Variants in CSMD1 observed in about 807,000 individuals in gnomAD.
CSMD1 encodes CUB and sushi domain-containing protein 1.
A neutral mutation model predicts 417.5 loss-of-function variants in CSMD1; 213 were observed. That is an observed-to-expected ratio of 0.51 (90% CI 0.46 to 0.57). The LOEUF is 0.57. CSMD1 is among the 20% of genes least tolerant of loss of function. The pLI is 0.00. For missense variants in CSMD1, 6,923 were observed against 4,529.7 expected (o/e 1.53, Z -15.17); for synonymous variants, 2,862 against 1,736.8 (o/e 1.65, Z -16.11).
At chr8:4,126,083 C>A (rs1038427266) in intron 3 of CSMD1, among the ~76,000 whole-genome samples, 4 of 151,970 alleles carry the variant, frequency 2.6e-5, no homozygotes, top group African/African-American at 9.7e-5. Context: ...CACCCAGAAA[C>A]AGAAGACAGC....
intron 3 of CSMD1, among the ~76,000 whole-genome samples, chr8:4,176,076 C>T (rs540170801): frequency 1.4e-4 from 22 of 152,096 alleles, no homozygotes; most frequent in Non-Finnish European, 3.1e-4. Context: ...AGATGTGGAA[C>T]CCTTGCAGAA....
intron 5 of CSMD1, among the ~76,000 whole-genome samples, chr8:3,929,920 C>T (rs761457602): frequency 7.3e-5 from 11 of 150,240 alleles, no homozygotes; most frequent in Admixed American, 1.3e-4. Flanking sequence ...CCTCAGCCTC[C>T]CAAAGCGCTG....
intron 23 of CSMD1, among the ~76,000 whole-genome samples, chr8:3,336,429 C>T (rs767316875): frequency 6.6e-6 from 1 of 152,170 alleles, no homozygotes; most frequent in African/African-American, 2.4e-5. Flanking sequence ...ATTCATATAG[C>T]ACTTGGATGT....
intron 2 of CSMD1, among the ~76,000 whole-genome samples, chr8:4,627,164 T>C (rs148908546): frequency 3.3e-5 from 5 of 152,278 alleles, no homozygotes; most frequent in Admixed American, 6.5e-5. Context: ...AAAACTCACT[T>C]GTTTATTCTG....
At chr8:3,591,515 C>T (rs1305257256) in intron 8 of CSMD1, among the ~76,000 whole-genome samples, 2 of 152,094 alleles carry the variant, frequency 1.3e-5, no homozygotes, top group African/African-American at 2.4e-5. Flanking sequence ...TGAGGTGACT[C>T]GAAGATTAAA....
chr8:4,847,011 G>T (rs922856310), intron 1 of CSMD1, among the ~76,000 whole-genome samples: 2 of 152,040 alleles, frequency 1.3e-5, no homozygotes, highest in Admixed American at 6.5e-5. Context: ...TTTGTCAGTA[G>T]AAGAAACAAC....
At chr8:3,944,992 G>C (rs1233703229) in intron 5 of CSMD1, among the ~76,000 whole-genome samples, 2 of 152,146 alleles carry the variant, frequency 1.3e-5, no homozygotes, top group Non-Finnish European at 2.9e-5. Flanking sequence ...ATCTAATGCG[G>C]TTCACCCGCA....
At chr8:4,701,316 G>GC (rs923788023) in intron 1 of CSMD1, among the ~76,000 whole-genome samples, 3 of 84,968 alleles carry the variant, frequency 3.5e-5, no homozygotes, top group African/African-American at 7.1e-5. Flanking sequence ...TTCCTTTGAT[G>GC]CTTTTTTTTT....
chr8:3,544,016 G>C (rs905131964), intron 10 of CSMD1, among the ~76,000 whole-genome samples: 23 of 151,886 alleles, frequency 1.5e-4, no homozygotes, highest in African/African-American at 5.3e-4. Flanking sequence ...GTCTAAGTAG[G>C]TAATAAAACA....
intron 3 of CSMD1, among the ~76,000 whole-genome samples, chr8:4,185,917 G>C (rs138911347): frequency 6.6e-6 from 1 of 152,108 alleles, no homozygotes; most frequent in African/African-American, 2.4e-5. Context: ...TTATTACGTT[G>C]AGTTCATTTC....
intron 6 of CSMD1, among the ~76,000 whole-genome samples, chr8:3,724,015 T>G (rs1449607182): frequency 6.2e-5 from 7 of 113,596 alleles, no homozygotes. Context: ...GATATTAAAA[T>G]ACGCCTCTCT....
chr8:4,021,692 G>A (rs1052048522), intron 4 of CSMD1, among the ~76,000 whole-genome samples: 1 of 152,142 alleles, frequency 6.6e-6, no homozygotes, highest in African/African-American at 2.4e-5. Flanking sequence ...CTTGTTCGGA[G>A]TGACTATTTT....
chr8:3,433,106 C>T (rs62505603), intron 12 of CSMD1, among the ~76,000 whole-genome samples: 13,987 of 152,184 alleles, frequency 0.092, 709 homozygotes, highest in Middle Eastern at 0.14. Context: ...ACGTTTTATA[C>T]AGAGATTGGA....
intron 2 of CSMD1, among the ~76,000 whole-genome samples, chr8:4,586,824 G>A (rs979850196): frequency 6.6e-6 from 1 of 152,196 alleles, no homozygotes; most frequent in African/African-American, 2.4e-5. Context: ...ACACAGGTCT[G>A]CACGCACAGT....
intron 3 of CSMD1, among the ~76,000 whole-genome samples, chr8:4,383,135 C>T (rs905784701): frequency 1.3e-5 from 2 of 152,110 alleles, no homozygotes; most frequent in South Asian, 2.1e-4. Context: ...AACTAAGCAA[C>T]TTGATGATTT....
At chr8:4,236,932 C>T (rs1452356733) in intron 3 of CSMD1, among the ~76,000 whole-genome samples, 1 of 152,176 alleles carries the variant, frequency 6.6e-6, no homozygotes, top group Admixed American at 6.5e-5. Flanking sequence ...TAATCAGAAA[C>T]AAGTTCAAGT....
rs1376325037 is a variant in CSMD1, at chr8:4,007,691, A to T, written c.611-9581T>A. ...TTCTTTCTTCCTCTTTTTTTTTTTC[A>T]TGCAATGAATGAAAATTGAATGACT... On this transcript the variant is annotated intron_variant, in intron 4 of 69. Coordinates refer to ENST00000635120, the MANE Select transcript of CSMD1 (RefSeq NM_033225.6). Among the ~76,000 whole-genome samples, 8 of 150,294 alleles carry T rather than the reference A, an allele frequency of 5.3e-5. No homozygotes were observed. In the East Asian group the frequency reaches 1.6e-3, roughly 29 times the overall value.
At chr8:4,713,246 G>T (rs1286133997) in intron 1 of CSMD1, among the ~76,000 whole-genome samples, 2 of 152,228 alleles carry the variant, frequency 1.3e-5, no homozygotes, top group Admixed American at 1.3e-4. Context: ...AATTACTCAA[G>T]TACAGAAGGA....
intron 21 of CSMD1, among the ~76,000 whole-genome samples, chr8:3,351,930 C>T (rs1441436174): frequency 1.3e-5 from 2 of 151,820 alleles, no homozygotes; most frequent in Admixed American, 6.6e-5. Context: ...CTGTTTTCAG[C>T]CGTTATTTGT....
Sources: gnomAD v4.1 joint callset for allele counts (sites outside exome capture counted in the v4.1 genomes callset) on GRCh38, gnomAD v4.1.1 for gene constraint, MANE v1.5 for transcripts, NCBI Gene and HGNC (gene_info 2026-07-23, HGNC 2026-07-21) for gene names.